HTT: variants seen among roughly 807,000 people sequenced by gnomAD.
HTT encodes the protein huntington disease protein.
A neutral mutation model predicts 362.3 loss-of-function variants in HTT; 104 were observed. That is an observed-to-expected ratio of 0.29 (90% CI 0.24 to 0.34). The LOEUF is 0.34. Ranked by LOEUF, HTT falls within the 10% of genes least tolerant of loss-of-function variation. The pLI, the probability that HTT is intolerant of heterozygous loss-of-function variation, is 1.00. For synonymous variants in HTT, 1,577 were observed against 1,548.7 expected, an observed-to-expected ratio of 1.02 and a Z score of -0.43; for missense variants, 3,301 against 3,928.6, an observed-to-expected ratio of 0.84 and a Z score of 4.27.
chr4:3,204,213 A>T, intron 42 of HTT, 65 bp downstream of exon 42: 2 of 1,568,606 alleles, frequency 1.3e-6, no homozygotes, highest in African/African-American at 2.7e-5. Flanking sequence ...TCCTGTGTAG[A>T]TGACACTTGC....
chr4:3,164,736 T>A (rs1183270852), intron 29 of HTT, among the ~76,000 whole-genome samples: 7 of 152,230 alleles, frequency 4.6e-5, no homozygotes, highest in Admixed American at 3.9e-4. Context: ...GAGACTAGGA[T>A]TGCAATCCCT....
Position 3,174,770 on chromosome 4 carries a change from A to G in HTT, c.4216A>G (p.Thr1406Ala), listed in dbSNP as rs551881912. Residue 1406 changes from threonine (T) to alanine (A), a missense_variant, in exon 32 of 67, where the codon ACG becomes GCG. This residue lies in a region of HTT where 2,316 missense variants were observed against 2,658.5 expected (regional missense o/e 0.87). Transcript: ENST00000355072. ...GTCTACCCAGTTGAAGACAAACCTC[A>G]CGAGTGTCACAAAGAACCGTGCAGA... is the stretch of plus-strand genomic sequence containing the variant. The part of the protein sequence containing the change: ...KVSTQLKTNL[T>A]SVTKNRADKN... 42 of 1,614,158 alleles carry G rather than the reference A, an allele frequency of 2.6e-5. 1 individual carries two copies. The East Asian group carries it at 2.9e-4, about 11-fold the overall frequency.
intron 25 of HTT, among the ~76,000 whole-genome samples, 172 bp downstream of exon 25, chr4:3,147,120 G>A (rs1716639977): frequency 6.6e-6 from 1 of 152,216 alleles, no homozygotes; most frequent in African/African-American, 2.4e-5. Flanking sequence ...CATGCAGTTG[G>A]CAGCTGTTCT....
chr4:3,229,021 T>C lies in HTT; in HGVS notation c.8109+12T>C. The stretch of plus-strand genomic sequence containing the variant: ...AGGTGGTCAGATCCGTAAGTGAGCC[T>C]TCCCATTCCCCTCACACCTGCACGT... On this transcript the variant is annotated intron_variant, in intron 59 of 66. Coordinates refer to ENST00000355072, the MANE Select transcript of HTT (RefSeq NM_001388492.1). 1.9e-6 allele frequency: 3 copies of C among 1,608,310 alleles called. No individual in the cohort carries two copies. The highest frequency in any genetic ancestry group is 3.3e-4 in the Middle Eastern group (2 of 6,040).
rs759944153 is a variant in HTT, at chr4:3,199,881, C to T, written c.5518C>T (p.Leu1840=). The T allele has an allele frequency of 6.8e-6, 11 of 1,614,062 alleles. No individual in the cohort carries two copies. The highest frequency in any genetic ancestry group is 3.3e-5 in the South Asian group (3 of 91,084). ...PALVLLWCQI[L]LLVNHTDYRW... is the part of the protein sequence containing the mutation. ...CCTGGTGCTGCTCTGGTGTCAGATA[C>T]TGCTGCTTGTCAACCACACCGACTA... is the stretch of plus-strand genomic sequence containing the variant. Residue 1840 remains leucine, a synonymous_variant, in exon 41 of 67, where the codon CTG becomes TTG. Transcript: ENST00000355072.
intron 52 of HTT, among the ~76,000 whole-genome samples, chr4:3,219,594 G>A (rs1343024229): frequency 6.6e-6 from 1 of 152,146 alleles, no homozygotes; most frequent in Non-Finnish European, 1.5e-5. Flanking sequence ...TGGGCTGTGG[G>A]AATCCTGGGG....
intron 2 of HTT, among the ~76,000 whole-genome samples, chr4:3,092,129 T>G (rs1216110267): frequency 6.6e-6 from 1 of 152,184 alleles, no homozygotes; most frequent in Non-Finnish European, 1.5e-5. Context: ...TTCATGTGAT[T>G]CTCCTGCCTC....
chr4:3,125,992 A>G (rs1715503729), intron 11 of HTT, among the ~76,000 whole-genome samples: 1 of 152,156 alleles, frequency 6.6e-6, no homozygotes, highest in African/African-American at 2.4e-5. Flanking sequence ...AAAATTGCCT[A>G]TGGATAGTTT....
chr4:3,229,257 T>TAC (rs1721091736), intron 59 of HTT, among the ~76,000 whole-genome samples: 1 of 109,562 alleles, frequency 9.1e-6, no homozygotes, highest in South Asian at 3.0e-4. Context: ...CCACACCACA[T>TAC]GCACCACACA....
intron 40 of HTT, among the ~76,000 whole-genome samples, chr4:3,195,828 T>C (rs1340736443): frequency 6.6e-6 from 1 of 152,182 alleles, no homozygotes; most frequent in African/African-American, 2.4e-5. Context: ...GGCCTTCACA[T>C]CCTCTGTGTC....
At chr4:3,210,419 G>C (rs1051802996) in intron 47 of HTT, among the ~76,000 whole-genome samples, 6 of 152,222 alleles carry the variant, frequency 3.9e-5, no homozygotes, top group Admixed American at 1.3e-4. Context: ...TAGTGTCTTG[G>C]AAGTTGATCT....
intron 31 of HTT, among the ~76,000 whole-genome samples, chr4:3,173,696 T>C (rs2110233011): frequency 6.7e-6 from 1 of 148,540 alleles, no homozygotes; most frequent in South Asian, 2.1e-4. Context: ...TGAGACGGAG[T>C]CTTGCTCTGT....
chr4:3,218,097 T>C lies in HTT; in HGVS notation c.7242+145T>C. 1.5e-6 allele frequency: 1 copy of C among 672,370 alleles called. No individual in the cohort carries two copies. The highest frequency in any genetic ancestry group is 2.1e-5 in the South Asian group (1 of 47,552). The allele number at this position is 672,370 out of a possible 1,614,324, so 41.7% of individuals were successfully genotyped here. A position where few individuals can be genotyped will look rare whatever the true frequency, so the allele number is the denominator to read the frequency against. On this transcript the variant is annotated intron_variant, in intron 52 of 66. Coordinates refer to ENST00000355072, the MANE Select transcript of HTT (RefSeq NM_001388492.1). The surrounding 1 kb of genome is among the most constrained non-coding windows in gnomAD (Gnocchi z 4.4). ...GTTCTGGTGCCCACTGTGGTTCTGG[T>C]GCCAGGCTGCTTTCCTCAGGCACCA...
rs1721931440 is a variant in HTT at position 3,243,856 on chromosome 4, T to G, written c.*3797T>G. The G allele has an allele frequency of 6.6e-6, 1 of 152,238 alleles. No individual in the cohort carries two copies. The highest frequency in any genetic ancestry group is 2.4e-5 in the African/African-American group (1 of 41,452). 9.4% of individuals were successfully genotyped at this position (152,238 alleles called of 1,614,324 possible). ...TCCCGGAGCCCCACCCAGACCTGAA[T>G]GCTTCTGAGAGCAAAGGGAAGGACT... On this transcript the variant is annotated 3_prime_UTR_variant, in exon 67 of 67. Coordinates refer to ENST00000355072, the MANE Select transcript of HTT (RefSeq NM_001388492.1).
At chr4:3,190,826 A>G (rs1718980058) in intron 40 of HTT, among the ~76,000 whole-genome samples, 1 of 152,230 alleles carries the variant, frequency 6.6e-6, no homozygotes, top group African/African-American at 2.4e-5. Context: ...TGTAATGAGA[A>G]TGCTTTGCTT....
At chr4:3,235,221 C>A (rs1423059267) in intron 61 of HTT, 63 bp from the exon 62 acceptor site, 2 of 1,155,886 alleles carry the variant, frequency 1.7e-6, no homozygotes, top group African/African-American at 3.0e-5. Context: ...GCCGGACATG[C>A]TGTGAAGCCC....
chr4:3,231,628 A>G (rs917552689), intron 60 of HTT, among the ~76,000 whole-genome samples: 2 of 151,572 alleles, frequency 1.3e-5, no homozygotes. Flanking sequence ...GCCTGGTGCC[A>G]TGCTGGTGAC....
chr4:3,093,725 T>G (rs1274044881), intron 2 of HTT, among the ~76,000 whole-genome samples: 2 of 151,924 alleles, frequency 1.3e-5, no homozygotes, highest in African/African-American at 4.8e-5. Flanking sequence ...AACAGAAAGA[T>G]TTGAAGGTGC....
At chr4:3,239,767 A>T in intron 66 of HTT, 79 bp from the exon 67 acceptor site, 2 of 1,185,218 alleles carry the variant, frequency 1.7e-6, no homozygotes, top group Non-Finnish European at 2.4e-6. Flanking sequence ...AGACTGTTTC[A>T]GGAGAGGAAC....
Sources: allele counts gnomAD v4.1 joint callset (sites outside exome capture counted in the v4.1 genomes callset), GRCh38; gene constraint gnomAD v4.1.1; regional missense constraint gnomAD v4.1.1; non-coding constraint Gnocchi (gnomAD v3.1); transcripts MANE v1.5; gene names NCBI Gene and HGNC (gene_info 2026-07-23, HGNC 2026-07-21).